GALNT18: variants seen among roughly 807,000 people sequenced by gnomAD.
GALNT18 encodes the protein polypeptide N-acetylgalactosaminyltransferase 18, also known as GalNAc-transferase 18.
GALNT18 carries 44 observed loss-of-function variants against 69.5 expected under a neutral mutation model. The observed-to-expected ratio is 0.63, with a 90% CI of 0.50 to 0.81. The LOEUF (loss-of-function observed/expected upper bound fraction) is 0.81. GALNT18 is among the 40% of genes least tolerant of loss of function. The probability of loss-of-function intolerance (pLI) is 0.00; values close to 1 mark genes in which losing one functional copy is unlikely to be tolerated. For missense variants in GALNT18, 715 were observed against 810.0 expected (o/e 0.88, Z 1.42); for synonymous variants, 364 against 318.2 (o/e 1.14, Z -1.53).
chr11:11,441,473 T>A (rs1376715798), intron 2 of GALNT18, among the ~76,000 whole-genome samples: 8 of 152,078 alleles, frequency 5.3e-5, no homozygotes, highest in Non-Finnish European at 1.2e-4. Context: ...GGCAAGCTGA[T>A]AAAATAGTGT....
Position 11,415,737 on chromosome 11 carries a change from C to T in GALNT18, c.595+16884G>A, listed in dbSNP as rs1220339127. On this transcript the variant is annotated intron_variant, in intron 3 of 10. Transcript: ENST00000227756. This position sits in a 1 kb window ranked among gnomAD's most constrained non-coding sequence, Gnocchi z 4.1. ...CACCCACACCTATGCGTCTTCCCAC[C>T]CATGCATCCATGCATCCATCCACCC... is the stretch of plus-strand genomic sequence containing the variant. Among the ~76,000 whole-genome samples, 5 of 152,178 alleles carry T rather than the reference C, an allele frequency of 3.3e-5. No individual in the cohort carries two copies. Among genetic ancestry groups the T allele is most frequent in the African/African-American group, 1.2e-4 (5 of 41,442 alleles).
intron 1 of GALNT18, among the ~76,000 whole-genome samples, chr11:11,524,018 C>A (rs1857462602): frequency 7.0e-6 from 1 of 143,650 alleles, no homozygotes; most frequent in African/African-American, 2.5e-5. Context: ...GGCACTTCAG[C>A]TAGTGCGAGG....
intron 1 of GALNT18, among the ~76,000 whole-genome samples, chr11:11,518,611 C>T (rs1434153065): frequency 6.6e-6 from 1 of 152,220 alleles, no homozygotes; most frequent in African/African-American, 2.4e-5. Context: ...TGCTCTTGGT[C>T]TTCCCAAAAG....
At position 11,293,011 on chromosome 11, in the gene GALNT18, G is replaced by C. The variant is rs182930467; in HGVS notation, c.1677+18C>G. On this transcript the variant is annotated intron_variant, in intron 10 of 10. Coordinates refer to ENST00000227756, the MANE Select transcript of GALNT18 (RefSeq NM_198516.3). ...TTCCACGATGGCTGCCACTGTGCCC[G>C]GGCTCTGGGGCTGTTACCTGAGAGA... 1 of 1,350,890 alleles carries C rather than the reference G, an allele frequency of 7.4e-7. No individual in the cohort carries two copies. 83.7% of individuals were successfully genotyped at this position (1,350,890 alleles called of 1,614,324 possible). A position where few individuals can be genotyped will look rare whatever the true frequency, so the allele number is the denominator to read the frequency against.
rs1321393076 is a variant in GALNT18, at chr11:11,404,876, C to T, written c.596-25612G>A. ...CACCTAACCCAGACCTCAGCAGACCCGGACTCCACTCCCAGCCCATGGCCA... is the reference window on the plus strand; with the variant it reads ...CACCTAACCCAGACCTCAGCAGACCTGGACTCCACTCCCAGCCCATGGCCA... On this transcript the variant is annotated intron_variant, in intron 3 of 10. Transcript: ENST00000227756. This position sits in a 1 kb window ranked among gnomAD's most constrained non-coding sequence, Gnocchi z 4.5. Among the ~76,000 whole-genome samples the T allele has an allele frequency of 2.6e-5, 4 of 152,166 alleles. No individual in the cohort carries two copies. Among genetic ancestry groups the T allele is most frequent in the South Asian group, 2.1e-4 (1 of 4,832 alleles).
intron 1 of GALNT18, among the ~76,000 whole-genome samples, chr11:11,580,976 C>T (rs375000459): frequency 2.6e-5 from 4 of 152,382 alleles, no homozygotes; most frequent in East Asian, 1.9e-4. Flanking sequence ...TCATCCTCCA[C>T]GGTGCCACCC....
At position 11,600,427 on chromosome 11, in the gene GALNT18, G is replaced by A. The variant is rs1437216715; in HGVS notation, c.235+20932C>T. 2.0e-5 allele frequency among the ~76,000 whole-genome samples: 3 copies of A among 151,760 alleles called. No individual in the cohort carries two copies. In the South Asian group the frequency reaches 6.2e-4, roughly 32 times the overall value. ...ATAGTTTTGCTGTGTAATGATTCTT[G>A]GTTAACTTTTTTTTCTTTCAGCACT... On this transcript the variant is annotated intron_variant, in intron 1 of 10. Coordinates refer to ENST00000227756, the MANE Select transcript of GALNT18 (RefSeq NM_198516.3). This position sits in a 1 kb window ranked among gnomAD's most constrained non-coding sequence, Gnocchi z 4.8.
chr11:11,312,499 TC>T (rs2133030885), intron 9 of GALNT18, among the ~76,000 whole-genome samples: 1 of 152,288 alleles, frequency 6.6e-6, no homozygotes, highest in African/African-American at 2.4e-5. Flanking sequence ...GTGGAGGGCA[TC>T]TTTGTGTTCA....
intron 9 of GALNT18, among the ~76,000 whole-genome samples, chr11:11,296,050 T>C (rs1052211702): frequency 6.6e-6 from 1 of 151,996 alleles, no homozygotes; most frequent in African/African-American, 2.4e-5. Flanking sequence ...ACTGGTAGGA[T>C]GGAGAAAATT....
chr11:11,585,204 T>C (rs1371447502), intron 1 of GALNT18, among the ~76,000 whole-genome samples: 1 of 152,202 alleles, frequency 6.6e-6, no homozygotes, highest in African/African-American at 2.4e-5. Flanking sequence ...TATAAAACAT[T>C]TACTGATGTG....
chr11:11,295,670 G>A (rs1032065628), intron 9 of GALNT18, among the ~76,000 whole-genome samples: 4 of 151,834 alleles, frequency 2.6e-5, no homozygotes, highest in Admixed American at 6.6e-5. Context: ...CTGGAGGGAG[G>A]AGCAGAAGAC....
At position 11,273,782 on chromosome 11, in the gene GALNT18, G is replaced by A. The variant is rs186087501; in HGVS notation, c.1678-2492C>T. Among the ~76,000 whole-genome samples the A allele has an allele frequency of 1.8e-3, 268 of 152,198 alleles. 3 individuals are homozygous for A. Among genetic ancestry groups the A allele is most frequent in the Non-Finnish European group, 1.2e-3 (81 of 68,020 alleles). Reference sequence around the variant, plus strand: ...GCACTATTCGCAATAGACAACATATGGAATCAACCTAAGTATCCATCAATA... The same window carrying A: ...GCACTATTCGCAATAGACAACATATAGAATCAACCTAAGTATCCATCAATA... On this transcript the variant is annotated intron_variant, in intron 10 of 10. Coordinates refer to ENST00000227756, the MANE Select transcript of GALNT18 (RefSeq NM_198516.3).
At position 11,467,113 on chromosome 11, in the gene GALNT18, GC is replaced by G. The variant is rs929426344; in HGVS notation, c.236-18178del. On this transcript the variant is annotated intron_variant, in intron 1 of 10. Coordinates refer to ENST00000227756, the MANE Select transcript of GALNT18 (RefSeq NM_198516.3). ...GAACCTGGGGCCCGGGAGGCAGGAG[GC>G]CCTTAATGGGGAGAAGATAGACATC... Among the ~76,000 whole-genome samples the G allele has an allele frequency of 2.9e-4, 44 of 152,332 alleles. 1 individual carries two copies. The highest frequency in any genetic ancestry group is 8.4e-4 in the African/African-American group (35 of 41,582).
rs1428620782 is a variant in GALNT18, at chr11:11,497,355, C to CAA, written c.236-48420_236-48419insTT. On this transcript the variant is annotated intron_variant, in intron 1 of 10. Coordinates refer to ENST00000227756, the MANE Select transcript of GALNT18 (RefSeq NM_198516.3). The surrounding 1 kb of genome is among the most constrained non-coding windows in gnomAD (Gnocchi z 4.2). Reference sequence around the variant, plus strand: ...ACACACACACACACACACACACACACACACACACACACACACCCCTTAGAA... The same window carrying CAA: ...ACACACACACACACACACACACACACAAACACACACACACACACCCCTTAGAA... Among the ~76,000 whole-genome samples the CAA allele has an allele frequency of 6.6e-6, 1 of 150,970 alleles. No homozygotes were observed. The highest frequency in any genetic ancestry group is 1.5e-5 in the Non-Finnish European group (1 of 67,702).
chr11:11,436,961 T>C lies in GALNT18; in HGVS notation c.429-4174A>G, dbSNP rs973606090. ...CCAGTGGCCTTTGCTCCCAAATCTG[T>C]ACTGCTAAGATGCCCTCCCAGAGCA... On this transcript the variant is annotated intron_variant, in intron 2 of 10. Transcript: ENST00000227756. This position sits in a 1 kb window ranked among gnomAD's most constrained non-coding sequence, Gnocchi z 4.5. 5.3e-5 allele frequency among the ~76,000 whole-genome samples: 8 copies of C among 152,192 alleles called. No homozygotes were observed. The highest frequency in any genetic ancestry group is 3.9e-4 in the Admixed American group (6 of 15,286).
At chr11:11,518,602 G>A (rs1248115278) in intron 1 of GALNT18, among the ~76,000 whole-genome samples, 1 of 152,204 alleles carries the variant, frequency 6.6e-6, no homozygotes, top group African/African-American at 2.4e-5. Flanking sequence ...AGTGAGGGTT[G>A]CTCTTGGTCT....
At chr11:11,449,788 A>G (rs1855750345) in intron 1 of GALNT18, among the ~76,000 whole-genome samples, 1 of 152,224 alleles carries the variant, frequency 6.6e-6, no homozygotes, top group South Asian at 2.1e-4. Context: ...AAATTCCCCA[A>G]CCTAGAATGC....
chr11:11,397,962 C>T (rs555375907), intron 3 of GALNT18, among the ~76,000 whole-genome samples: 20 of 152,286 alleles, frequency 1.3e-4, no homozygotes, highest in Admixed American at 1.1e-3. Context: ...CCGCTTGCAT[C>T]CATGCCTGGG....
chr11:11,353,253 G>A (rs1364911200), intron 6 of GALNT18: 14 of 1,100,352 alleles, frequency 1.3e-5, no homozygotes, highest in Non-Finnish European at 1.9e-5. Flanking sequence ...GGCAGCGGCT[G>A]TGGCCGCTCT....
Sources: gnomAD v4.1 joint callset for allele counts (sites outside exome capture counted in the v4.1 genomes callset) on GRCh38, gnomAD v4.1.1 for gene constraint, Gnocchi (gnomAD v3.1) non-coding constraint, MANE v1.5 for transcripts, NCBI Gene and HGNC (gene_info 2026-07-23, HGNC 2026-07-21) for gene names.